HERC1: variants seen among roughly 807,000 people sequenced by gnomAD.
HERC1 encodes HECT and RLD domain containing E3 ubiquitin protein ligase family member 1.
In HERC1, 160 loss-of-function variants were observed where a neutral mutation model predicts 554.3. The ratio of observed to expected loss-of-function variants is 0.29; its 90% CI spans 0.25 to 0.33. The LOEUF (loss-of-function observed/expected upper bound fraction) is 0.33, where lower values mean the gene tolerates loss of function less well. Ranked by LOEUF, HERC1 falls within the 10% of genes least tolerant of loss-of-function variation. The pLI, the probability that HERC1 is intolerant of heterozygous loss-of-function variation, is 1.00. For missense variants in HERC1, 4,919 were observed against 5,918.5 expected, an observed-to-expected ratio of 0.83 and a Z score of 5.54; for synonymous variants, 2,175 against 2,131.7, an observed-to-expected ratio of 1.02 and a Z score of -0.56.
In HERC1 at chr15:63,713,559, A is replaced by G; in HGVS notation, c.4257T>C (p.Pro1419=). Residue 1419 remains proline, a synonymous_variant, in exon 23 of 78, where the codon CCT becomes CCC. Transcript: ENST00000443617. ...GSGARADDPP[P]QSQQERRVST... is the part of the protein sequence containing the mutation. ...TGACCCTTCGCTCTTGCTGAGACTG[A>G]GGAGGTGGATCATCAGCTCGAGCCC... The G allele has an allele frequency of 6.2e-7, 1 of 1,613,976 alleles. No individual in the cohort carries two copies. The highest frequency in any genetic ancestry group is 8.5e-7 in the Non-Finnish European group (1 of 1,179,872).
In HERC1 at chr15:63,623,742, T is replaced by C; in HGVS notation, c.13594A>G (p.Ile4532Val). The change falls in exon 73 of 78, where the codon ATC becomes GTC. Residue 4532 changes from isoleucine (I) to valine (V), a missense_variant. Ile to Val is a conservative substitution (Grantham distance 29). This residue lies in a region of HERC1 where 4 missense variants were observed against 19.6 expected (regional missense o/e 0.20). Coordinates refer to ENST00000443617, the MANE Select transcript of HERC1 (RefSeq NM_003922.4). ...DDAGGVFDDT[I>V]TEMCQELETG... ...GAATATACCTGGCACATCTCTGTGATGGTGTCATCAAACACTCCTCCAGCA... is the reference window on the plus strand; with the variant it reads ...GAATATACCTGGCACATCTCTGTGACGGTGTCATCAAACACTCCTCCAGCA... 1 of 1,613,846 alleles carries C rather than the reference T, an allele frequency of 6.2e-7. No homozygotes were observed. Among genetic ancestry groups the C allele is most frequent in the Non-Finnish European group, 8.5e-7 (1 of 1,179,818 alleles).
At chr15:63,833,431 G>A (rs1219622924) in intron 1 of HERC1, among the ~76,000 whole-genome samples, 1 of 152,154 alleles carries the variant, frequency 6.6e-6, no homozygotes, top group Non-Finnish European at 1.5e-5. Context: ...AGCCCCAGCC[G>A]GGGCAGAGGA....
intron 1 of HERC1, among the ~76,000 whole-genome samples, chr15:63,789,252 G>C (rs558794620): frequency 6.7e-6 from 1 of 148,672 alleles, no homozygotes; most frequent in African/African-American, 2.5e-5. Context: ...CACTACGCCC[G>C]GCTAATTTTT....
chr15:63,817,929 T>C (rs1266772688), intron 1 of HERC1, among the ~76,000 whole-genome samples: 3 of 152,004 alleles, frequency 2.0e-5, no homozygotes, highest in Non-Finnish European at 4.4e-5. Context: ...GGAATTGAAT[T>C]ATCATAGTAT....
At chr15:63,766,029 G>A (rs751712762) in intron 2 of HERC1, among the ~76,000 whole-genome samples, 6 of 151,846 alleles carry the variant, frequency 4.0e-5, no homozygotes, top group South Asian at 4.1e-4. Flanking sequence ...ATTGATTTGC[G>A]ACCTGTCTCA....
chr15:63,729,439 A>T (rs1031858815), intron 15 of HERC1, 58 bp downstream of exon 15: 3 of 1,596,858 alleles, frequency 1.9e-6, no homozygotes. Flanking sequence ...TGGCCTATCC[A>T]AATATCTGAG....
At chr15:63,773,620 T>C (rs980140388) in intron 2 of HERC1, among the ~76,000 whole-genome samples, 6 of 151,942 alleles carry the variant, frequency 3.9e-5, no homozygotes, top group Middle Eastern at 3.4e-3. Context: ...CTCTGCTCAC[T>C]GCAACCTCCG....
chr15:63,628,683 C>G lies in HERC1; in HGVS notation c.13099G>C (p.Ala4367Pro). The change falls in exon 70 of 78, where the codon GCA (alanine) becomes CCA (proline). Residue 4367 changes from alanine to proline, a missense_variant. By Grantham distance (27) the Ala-to-Pro change is conservative (BLOSUM62 -1). Around this residue, in one of 11 missense-constraint regions of HERC1, gnomAD observed 410 missense variants for 467.0 expected, o/e 0.88. Coordinates refer to ENST00000443617, the MANE Select transcript of HERC1 (RefSeq NM_003922.4). Reference protein sequence around the residue: ...AWTAPPVPPRAPGVSVPLQLG... With the variant: ...AWTAPPVPPRPPGVSVPLQLG... ...TGAATATTTCATTCCTCACCTGGTG[C>G]TCTTGGTGGGACAGGTGGTGCTGTC... 1 of 1,608,410 alleles carries G rather than the reference C, an allele frequency of 6.2e-7. No individual in the cohort carries two copies. The highest frequency in any genetic ancestry group is 8.5e-7 in the Non-Finnish European group (1 of 1,178,158).
Position 63,732,803 on chromosome 15 carries a change from C to A in HERC1, c.2868+121G>T, listed in dbSNP as rs989582098. The A allele has an allele frequency of 4.6e-6, 3 of 650,204 alleles. No homozygotes were observed. In the African/African-American group the frequency reaches 5.5e-5, roughly 12 times the overall value. 40.3% of individuals were successfully genotyped at this position (650,204 alleles called of 1,614,324 possible). ...TTCAGAAACCCTGACATGTTTTTCC[C>A]CTTGGGGGAGAGGGGTCTAGAGTTT... is the stretch of plus-strand genomic sequence containing the variant. On this transcript the variant is annotated intron_variant, in intron 14 of 77. Coordinates refer to ENST00000443617, the MANE Select transcript of HERC1 (RefSeq NM_003922.4).
intron 1 of HERC1, among the ~76,000 whole-genome samples, chr15:63,799,958 C>T (rs1403304272): frequency 6.6e-6 from 1 of 152,034 alleles, no homozygotes; most frequent in African/African-American, 2.4e-5. Context: ...TGTGAGACTC[C>T]ATCTTTACAG....
In HERC1 at chr15:63,761,085, TCAA is replaced by T. The variant is rs2075595954; in HGVS notation, c.1027-2719_1027-2717del. On this transcript the variant is annotated intron_variant, in intron 3 of 77. Transcript: ENST00000443617. ...AGAAAAGATGAACTAAAGATTATTA[TCAA>T]CACTGACATTCAAGAATAAAGAGCA... 2.6e-5 allele frequency among the ~76,000 whole-genome samples: 4 copies of T among 152,236 alleles called. No homozygotes were observed. In the East Asian group the frequency reaches 7.7e-4, roughly 29 times the overall value.
Position 63,686,237 on chromosome 15 carries a change from A to G in HERC1, c.6225+122T>C, listed in dbSNP as rs190131085. The G allele has an allele frequency of 5.1e-3, 3,499 of 682,380 alleles. 39 individuals are homozygous for G. The highest frequency in any genetic ancestry group is 0.027 in the South Asian group (1,239 of 45,234). 42.3% of individuals were successfully genotyped at this position (682,380 alleles called of 1,614,324 possible). A position where few individuals can be genotyped will look rare whatever the true frequency, so the allele number is the denominator to read the frequency against. On this transcript the variant is annotated intron_variant, in intron 34 of 77. Coordinates refer to ENST00000443617, the MANE Select transcript of HERC1 (RefSeq NM_003922.4). ...TTGGTTTCCATTTATATTATCTTAC[A>G]TAATAATAGAACATTTACATATCAC... is the stretch of plus-strand genomic sequence containing the variant.
intron 74 of HERC1, among the ~76,000 whole-genome samples, chr15:63,620,517 G>A (rs892946681): frequency 2.6e-5 from 4 of 152,280 alleles, no homozygotes; most frequent in South Asian, 2.1e-4. Context: ...GGTCTGCTTG[G>A]TGCAGAGCTG....
At chr15:63,713,104 A>C (rs2073385824) in intron 23 of HERC1, among the ~76,000 whole-genome samples, 1 of 152,252 alleles carries the variant, frequency 6.6e-6, no homozygotes, top group Non-Finnish European at 1.5e-5. Flanking sequence ...GTAACTTCAC[A>C]TGCTTTTTCA....
intron 12 of HERC1, among the ~76,000 whole-genome samples, chr15:63,740,181 A>G (rs1469662322): frequency 2.0e-5 from 3 of 152,168 alleles, no homozygotes; most frequent in Non-Finnish European, 2.9e-5. Flanking sequence ...AAGTGTGCAG[A>G]TTACAGGTGT....
intron 37 of HERC1, among the ~76,000 whole-genome samples, chr15:63,676,531 T>C (rs973425083): frequency 9.2e-5 from 14 of 152,054 alleles, no homozygotes; most frequent in Non-Finnish European, 1.8e-4. Flanking sequence ...CCGAGGCAGG[T>C]GGATCACTTG....
In HERC1 at chr15:63,637,631, G is replaced by C. The variant is rs2068839318; in HGVS notation, c.12106C>G (p.Gln4036Glu). 1.3e-6 allele frequency: 2 copies of C among 1,547,554 alleles called. No homozygotes were observed. The highest frequency in any genetic ancestry group is 1.4e-5 in the African/African-American group (1 of 72,860). Residue 4036 changes from glutamine (Q) to glutamate (E), a missense_variant, in exon 64 of 78, where the codon CAG (glutamine) becomes GAG (glutamate). Around this residue, in one of 11 missense-constraint regions of HERC1, gnomAD observed 122 missense variants for 195.2 expected, o/e 0.63. Transcript: ENST00000443617. Reference sequence around the variant, plus strand: ...GCCTGGATGACAAAGGTACAATTCTGACCACAAATGACCTAGTATAAAAAC... The same window carrying C: ...GCCTGGATGACAAAGGTACAATTCTCACCACAAATGACCTAGTATAAAAAC... ...FSQAQQVICG[Q>E]NCTFVIQANG...
At chr15:63,783,563 C>G (rs571081988) in intron 1 of HERC1, among the ~76,000 whole-genome samples, 2 of 152,208 alleles carry the variant, frequency 1.3e-5, no homozygotes, top group East Asian at 3.9e-4. Context: ...ATGACATTGG[C>G]TTTATTGTGA....
chr15:63,638,347 C>G, intron 63 of HERC1, 64 bp downstream of exon 63: 2 of 1,520,238 alleles, frequency 1.3e-6, no homozygotes, highest in South Asian at 2.4e-5. Flanking sequence ...CACAATAAGA[C>G]AAGCAAAAGA....
Sources: gnomAD v4.1 joint callset for allele counts (sites outside exome capture counted in the v4.1 genomes callset) on GRCh38, gnomAD v4.1.1 for gene constraint, gnomAD v4.1.1 regional missense constraint, MANE v1.5 for transcripts, NCBI Gene and HGNC (gene_info 2026-07-23, HGNC 2026-07-21) for gene names.